PRKCB: variants seen among roughly 807,000 people sequenced by gnomAD.
PRKCB encodes protein kinase C beta.
Under a neutral mutation model 81.5 loss-of-function variants are expected in PRKCB, and 13 were observed. That is an observed-to-expected ratio of 0.16 (90% CI 0.10 to 0.25). PRKCB has a LOEUF of 0.25. Ranked by LOEUF, PRKCB falls within the 10% of genes least tolerant of loss-of-function variation. The pLI is 1.00. For missense variants in PRKCB, 509 were observed against 875.7 expected (o/e 0.58, Z 5.29); for synonymous variants, 335 against 321.4 (o/e 1.04, Z -0.45).
chr16:24,022,833 T>C (rs1207577496), intron 3 of PRKCB, among the ~76,000 whole-genome samples: 1 of 152,186 alleles, frequency 6.6e-6, no homozygotes, highest in Non-Finnish European at 1.5e-5. Flanking sequence ...GACTTAAATA[T>C]AGTAAACTTA....
chr16:23,882,022 C>CTTTCTTTCTCTTTCT (rs1567301134), intron 2 of PRKCB, among the ~76,000 whole-genome samples: 3 of 57,412 alleles, frequency 5.2e-5, no homozygotes, highest in Admixed American at 2.0e-4. Context: ...TTCTTTCTTT[C>CTTTCTTTCTCTTTCT]TTCCTTCCTT....
chr16:23,940,434 C>A (rs1964127154), intron 2 of PRKCB, among the ~76,000 whole-genome samples: 2 of 151,304 alleles, frequency 1.3e-5, no homozygotes, highest in South Asian at 2.1e-4. Flanking sequence ...ACAAGAGAAA[C>A]CTAAGGTGAA....
chr16:23,949,197 AAAAG>A (rs893489527), intron 2 of PRKCB, among the ~76,000 whole-genome samples: 9 of 152,342 alleles, frequency 5.9e-5, no homozygotes, highest in Middle Eastern at 6.8e-3. Flanking sequence ...AGAAAGAAAG[AAAAG>A]AAAGAACGAA....
rs1968254308 is a variant in PRKCB, at chr16:24,217,829, T to G, written c.*3013T>G. ...TATACCTGCCTTTTAGCTCACACAC[T>G]GTCCTGGAGTTCTCAGACCTTTAGG... is the stretch of plus-strand genomic sequence containing the variant. On this transcript the variant is annotated 3_prime_UTR_variant, in exon 17 of 17. Coordinates refer to ENST00000643927, the MANE Select transcript of PRKCB (RefSeq NM_002738.7). 1.0e-6 allele frequency: 1 copy of G among 985,332 alleles called. No individual in the cohort carries two copies. Among genetic ancestry groups the G allele is most frequent in the Non-Finnish European group, 1.2e-6 (1 of 829,964 alleles). The allele number at this position is 985,332 out of a possible 1,614,324, so 61.0% of individuals were successfully genotyped here.
At chr16:24,208,107 C>T (rs1046878640) in intron 16 of PRKCB, 4 of 152,256 alleles carry the variant, frequency 2.6e-5, no homozygotes, top group Non-Finnish European at 5.9e-5. Flanking sequence ...CAGTCAGCGT[C>T]TTTAAAAGAT....
At chr16:24,135,643 G>T (rs1966862404) in intron 9 of PRKCB, among the ~76,000 whole-genome samples, 1 of 152,048 alleles carries the variant, frequency 6.6e-6, no homozygotes, top group Non-Finnish European at 1.5e-5. Flanking sequence ...GCCAAGCCCG[G>T]CACCAGATTT....
rs1454681159 is a variant in PRKCB, at chr16:23,982,325, CCCCTTCCCTTTCCCTTT to C, written c.206-6166_206-6150del. On this transcript the variant is annotated intron_variant, in intron 2 of 16. Transcript: ENST00000643927. ...CTTCCCTTTCCCTTCCCTTTCCCTT[CCCCTTCCCTTTCCCTTT>C]CCCTTCCCTTTCCCTTCCCCTTCCC... is the stretch of plus-strand genomic sequence containing the variant. 7.4e-3 allele frequency among the ~76,000 whole-genome samples: 779 copies of C among 104,620 alleles called. 11 individuals are homozygous for C. Among genetic ancestry groups the C allele is most frequent in the African/African-American group, 0.027 (738 of 27,110 alleles). 68.6% of individuals were successfully genotyped at this position (104,620 alleles called of 152,430 possible).
chr16:24,108,113 T>C (rs1323986725), intron 7 of PRKCB, among the ~76,000 whole-genome samples: 2 of 151,906 alleles, frequency 1.3e-5, no homozygotes, highest in East Asian at 1.9e-4. Flanking sequence ...AGCAACACCA[T>C]CTACTTGCAC....
intron 2 of PRKCB, among the ~76,000 whole-genome samples, chr16:23,910,635 A>T (rs1435811298): frequency 6.6e-6 from 1 of 151,722 alleles, no homozygotes; most frequent in South Asian, 2.1e-4. Flanking sequence ...TTTTAATCCC[A>T]TTTAAAAATA....
intron 5 of PRKCB, among the ~76,000 whole-genome samples, chr16:24,041,506 T>C (rs907805371): frequency 7.9e-5 from 12 of 151,586 alleles, no homozygotes; most frequent in African/African-American, 2.9e-4. Flanking sequence ...GGGAGTGTTC[T>C]TAAAGAAAGC....
chr16:23,839,528 G>T (rs997607776), intron 2 of PRKCB, among the ~76,000 whole-genome samples: 1 of 152,132 alleles, frequency 6.6e-6, no homozygotes, highest in African/African-American at 2.4e-5. Flanking sequence ...TCCCACCTCA[G>T]CCCCCAAGTG....
chr16:24,126,306 G>A (rs995155152), intron 9 of PRKCB, among the ~76,000 whole-genome samples: 2 of 152,194 alleles, frequency 1.3e-5, no homozygotes, highest in Non-Finnish European at 2.9e-5. Context: ...TTTCAAACAT[G>A]GAGCAGTTTC....
intron 2 of PRKCB, among the ~76,000 whole-genome samples, chr16:23,927,372 G>C (rs140722375): frequency 6.6e-6 from 1 of 152,052 alleles, no homozygotes; most frequent in Non-Finnish European, 1.5e-5. Flanking sequence ...CAGGGTAGGG[G>C]ATGTGTTTAG....
rs146676646 is a variant in PRKCB, at chr16:24,152,898, T to C, written c.1066-1786T>C. Among the ~76,000 whole-genome samples the C allele has an allele frequency of 1.8e-3, 276 of 152,218 alleles. 1 individual carries two copies. The highest frequency in any genetic ancestry group is 3.0e-3 in the Non-Finnish European group (206 of 67,996). On this transcript the variant is annotated intron_variant, in intron 9 of 16. Transcript: ENST00000643927. ...GAGGTTAAAAAGAGTTCTCTTGCTG[T>C]GGAAGTGTGTGACAGGGACCCTCTT...
intron 3 of PRKCB, among the ~76,000 whole-genome samples, chr16:24,005,732 G>T (rs1341334301): frequency 4.6e-5 from 7 of 152,188 alleles, no homozygotes; most frequent in Non-Finnish European, 1.0e-4. Flanking sequence ...TCCTGCCTCA[G>T]TGTGAGTGGC....
At chr16:24,189,633 C>T (rs1967758130) in intron 15 of PRKCB, among the ~76,000 whole-genome samples, 1 of 128,996 alleles carries the variant, frequency 7.8e-6, no homozygotes. Flanking sequence ...CAGAGTGAGA[C>T]TCCGTCTCAA....
At chr16:24,175,136 C>T (rs1221694941) in intron 12 of PRKCB, among the ~76,000 whole-genome samples, 1 of 151,910 alleles carries the variant, frequency 6.6e-6, no homozygotes, top group East Asian at 2.0e-4. Context: ...GCAAGGCAGA[C>T]GATTGCACCC....
At chr16:24,146,667 A>ATCCCTGGGCTACTTTCC (rs1381993525) in intron 9 of PRKCB, among the ~76,000 whole-genome samples, 1 of 152,190 alleles carries the variant, frequency 6.6e-6, no homozygotes, top group Non-Finnish European at 1.5e-5. Flanking sequence ...CCAGCCAGGA[A>ATCCCTGGGCTACTTTCC]TCCCTGGGCT....
intron 2 of PRKCB, among the ~76,000 whole-genome samples, chr16:23,851,427 G>A (rs1020655795): frequency 9.2e-5 from 14 of 152,134 alleles, no homozygotes; most frequent in African/African-American, 2.9e-4. Context: ...TTTCTATCCT[G>A]TTCCATTGGT....
Sources: gnomAD v4.1 joint callset for allele counts (sites outside exome capture counted in the v4.1 genomes callset) on GRCh38, gnomAD v4.1.1 for gene constraint, MANE v1.5 for transcripts, NCBI Gene and HGNC (gene_info 2026-07-23, HGNC 2026-07-21) for gene names.